Variants in FARS2 observed in about 807,000 individuals in gnomAD.
The protein encoded by FARS2 is phenylalanine--tRNA ligase, mitochondrial.
Under a neutral mutation model 46.4 loss-of-function variants are expected in FARS2, and 40 were observed. That is an observed-to-expected ratio of 0.86 (90% CI 0.67 to 1.12). The LOEUF is 1.12. Among genes scored for constraint, FARS2 ranks in the 50% most tolerant of loss-of-function variants. The pLI, the probability that FARS2 is intolerant of heterozygous loss-of-function variation, is 0.00. For missense variants in FARS2, 513 were observed against 567.9 expected (o/e 0.90, Z 0.98); for synonymous variants, 234 against 214.9 (o/e 1.09, Z -0.78).
intron 1 of FARS2, among the ~76,000 whole-genome samples, chr6:5,331,350 C>T (rs11243003): frequency 0.2 from 30,725 of 151,962 alleles, 3,493 homozygotes; most frequent in East Asian, 0.48. Context: ...AGAGATTAAC[C>T]GGAGCCGTGG....
intron 1 of FARS2, among the ~76,000 whole-genome samples, chr6:5,270,312 A>G (rs556074902): frequency 6.6e-6 from 1 of 152,352 alleles, no homozygotes; most frequent in East Asian, 1.9e-4. Flanking sequence ...AAGCCCTGTT[A>G]GGAATCCCAC....
intron 4 of FARS2, among the ~76,000 whole-genome samples, chr6:5,482,612 AT>A (rs1177691376): frequency 2.6e-5 from 4 of 152,144 alleles, no homozygotes; most frequent in African/African-American, 9.7e-5. Context: ...GGACACCCTT[AT>A]CCCCAGGGAG....
At chr6:5,708,029 A>G (rs967748944) in intron 6 of FARS2, among the ~76,000 whole-genome samples, 2 of 152,190 alleles carry the variant, frequency 1.3e-5, no homozygotes, top group African/African-American at 4.8e-5. Context: ...AATAAGCAAG[A>G]ATTCCCCCAG....
chr6:5,572,420 C>T (rs923551200), intron 5 of FARS2, among the ~76,000 whole-genome samples: 6 of 152,108 alleles, frequency 3.9e-5, no homozygotes, highest in African/African-American at 4.8e-5. Flanking sequence ...CCAAACACCT[C>T]GCACCAGGAC....
intron 1 of FARS2, among the ~76,000 whole-genome samples, chr6:5,262,555 A>G (rs1411694162): frequency 1.3e-5 from 2 of 152,172 alleles, no homozygotes; most frequent in East Asian, 3.8e-4. Flanking sequence ...CTGGGATTAC[A>G]GGTGTGAGTC....
chr6:5,368,234 GT>G (rs779507486), intron 1 of FARS2, among the ~76,000 whole-genome samples: 1 of 152,144 alleles, frequency 6.6e-6, no homozygotes, highest in Admixed American at 6.5e-5. Context: ...CGTGTTTACA[GT>G]TTTTTTCCAC....
chr6:5,423,304 T>G (rs1762662280), intron 3 of FARS2, among the ~76,000 whole-genome samples: 1 of 151,974 alleles, frequency 6.6e-6, no homozygotes, highest in Non-Finnish European at 1.5e-5. Flanking sequence ...CCCTGGTGCC[T>G]CTGAACCCAT....
chr6:5,540,734 C>T (rs73719634), intron 4 of FARS2, among the ~76,000 whole-genome samples: 3,530 of 152,246 alleles, frequency 0.023, 108 homozygotes, highest in African/African-American at 0.078. Flanking sequence ...GTGATAGTTG[C>T]TAATAGAAAT....
At chr6:5,529,153 C>G (rs1314197060) in intron 4 of FARS2, among the ~76,000 whole-genome samples, 1 of 151,934 alleles carries the variant, frequency 6.6e-6, no homozygotes, top group Non-Finnish European at 1.5e-5. Flanking sequence ...TAAAATGGAG[C>G]TAGTGATAGT....
intron 5 of FARS2, among the ~76,000 whole-genome samples, chr6:5,562,116 T>G (rs1329175031): frequency 6.6e-6 from 1 of 152,162 alleles, no homozygotes; most frequent in Non-Finnish European, 1.5e-5. Flanking sequence ...GAGTTCATAT[T>G]CTTGTTGTTG....
rs754862565 is a variant in FARS2 at position 5,404,670 on chromosome 6, T to TA, written c.742dup (p.Thr248AsnfsTer11). ...TAGAGTTTGATCTTAAGCAAACGCTTACCAGGCTCATGGCACATCTTTTTG... is the reference window on the plus strand; with the variant it reads ...TAGAGTTTGATCTTAAGCAAACGCTTAACCAGGCTCATGGCACATCTTTTTG... On this transcript the variant is annotated frameshift_variant, in exon 3 of 7. Coordinates refer to ENST00000274680, the MANE Select transcript of FARS2 (RefSeq NM_006567.5). LOFTEE classifies it high-confidence loss of function. 1.2e-6 allele frequency: 2 copies of TA among 1,606,342 alleles called. No homozygotes were observed. The highest frequency in any genetic ancestry group is 2.2e-5 in the East Asian group (1 of 44,762).
chr6:5,747,426 G>C (rs184265573), intron 6 of FARS2, among the ~76,000 whole-genome samples: 9 of 152,336 alleles, frequency 5.9e-5, no homozygotes, highest in Admixed American at 5.9e-4. Context: ...GTGATGAGGT[G>C]GTGAGAGGTG....
chr6:5,562,693 TATAC>T (rs1561714975), intron 5 of FARS2, among the ~76,000 whole-genome samples: 1 of 99,334 alleles, frequency 1.0e-5, no homozygotes, highest in African/African-American at 4.9e-5. Context: ...CACTGTAATT[TATAC>T]ACACACACAC....
intron 4 of FARS2, among the ~76,000 whole-genome samples, chr6:5,525,412 C>T (rs567569560): frequency 6.6e-6 from 1 of 152,200 alleles, no homozygotes; most frequent in African/African-American, 2.4e-5. Flanking sequence ...TGTGTTGCGA[C>T]ATGATTCATG....
intron 4 of FARS2, chr6:5,466,938 A>G (rs144790026): frequency 1.0e-6 from 1 of 985,358 alleles, no homozygotes; most frequent in East Asian, 1.1e-4. Context: ...TTCTCTCTTT[A>G]CTAGCACAGC....
intron 5 of FARS2, among the ~76,000 whole-genome samples, chr6:5,552,336 G>T (rs535055523): frequency 1.3e-5 from 2 of 152,310 alleles, no homozygotes; most frequent in South Asian, 4.1e-4. Flanking sequence ...AAGGCCTGCT[G>T]GCAGCTATGA....
chr6:5,327,675 A>T (rs1405956546), intron 1 of FARS2, among the ~76,000 whole-genome samples: 2 of 152,124 alleles, frequency 1.3e-5, no homozygotes, highest in Non-Finnish European at 2.9e-5. Context: ...AAATTACCCA[A>T]TCTCGGGTAT....
intron 1 of FARS2, among the ~76,000 whole-genome samples, chr6:5,350,427 A>G (rs1346434503): frequency 6.6e-6 from 1 of 152,176 alleles, no homozygotes; most frequent in Non-Finnish European, 1.5e-5. Flanking sequence ...TGATGTTCCT[A>G]TCTGCTATAG....
chr6:5,625,235 G>A lies in FARS2; in HGVS notation c.1217+11915G>A, dbSNP rs756941372. Among the ~76,000 whole-genome samples the A allele has an allele frequency of 4.6e-5, 7 of 152,214 alleles. No homozygotes were observed. The East Asian group carries it at 5.8e-4, about 13-fold the overall frequency. The stretch of plus-strand genomic sequence containing the variant: ...TGCAGGTAACACCTACTGGAGTCAC[G>A]CTTCACCAGTTCACATTTCTGAGCA... On this transcript the variant is annotated intron_variant, in intron 6 of 6. Coordinates refer to ENST00000274680, the MANE Select transcript of FARS2 (RefSeq NM_006567.5).
Sources: gnomAD v4.1 joint callset for allele counts (sites outside exome capture counted in the v4.1 genomes callset) on GRCh38, gnomAD v4.1.1 for gene constraint, MANE v1.5 for transcripts, NCBI Gene and HGNC (gene_info 2026-07-23, HGNC 2026-07-21) for gene names.